Variants in ADGRG1 observed in about 807,000 individuals in gnomAD.
ADGRG1 encodes adhesion G protein-coupled receptor G1.
A neutral mutation model predicts 73.5 loss-of-function variants in ADGRG1; 53 were observed. The observed-to-expected ratio is 0.72, with a 90% CI of 0.58 to 0.91. ADGRG1 has a LOEUF of 0.91. Among genes scored for constraint, ADGRG1 ranks in the 40% least tolerant of loss-of-function variants. ADGRG1 has a pLI of 0.00. For missense variants in ADGRG1, 795 were observed against 871.8 expected, an observed-to-expected ratio of 0.91 and a Z score of 1.11; for synonymous variants, 394 against 374.4, an observed-to-expected ratio of 1.05 and a Z score of -0.60.
intron 10 of ADGRG1, chr16:57,659,077 G>C (rs1204406706): frequency 5.1e-6 from 5 of 985,284 alleles, no homozygotes; most frequent in Non-Finnish European, 6.0e-6. Flanking sequence ...GGATGGCATG[G>C]ATTCTCCAAC....
chr16:57,643,662 C>G (rs1243595439), intron 1 of ADGRG1: 1 of 984,884 alleles, frequency 1.0e-6, no homozygotes, highest in African/African-American at 1.7e-5. Context: ...AGGCAGGCAG[C>G]TTGCTTCATT....
chr16:57,625,843 A>AAG (rs1248099753), upstream of ADGRG1, among the ~76,000 whole-genome samples: 2 of 152,102 alleles, frequency 1.3e-5, no homozygotes, highest in African/African-American at 4.8e-5. Flanking sequence ...ACTTCCTTCC[A>AAG]AGCATGGCTC....
upstream of ADGRG1, chr16:57,628,422 C>A: frequency 1.5e-6 from 1 of 649,050 alleles, no homozygotes; most frequent in Non-Finnish European, 1.9e-6. Flanking sequence ...GGCTGAGGTG[C>A]CCCCTTGCCC....
At chr16:57,653,893 TGTCTCTGTCTGA>T in intron 4 of ADGRG1, 81 bp from the exon 5 acceptor site, 1 of 1,602,630 alleles carries the variant, frequency 6.2e-7, no homozygotes, top group Non-Finnish European at 8.5e-7. Flanking sequence ...CTCTTCCCTG[TGTCTCTGTCTGA>T]GTCTCTCGTC....
intron 1 of ADGRG1, 36 bp downstream of exon 1, chr16:57,628,838 G>A (rs2036457286): frequency 2.0e-6 from 2 of 986,072 alleles, no homozygotes; most frequent in African/African-American, 3.5e-5. Context: ...GGTGGGAAGG[G>A]GAATAGTGTG....
At chr16:57,625,073 G>T (rs745876546), upstream of ADGRG1, among the ~76,000 whole-genome samples, 1 of 152,042 alleles carries the variant, frequency 6.6e-6, no homozygotes, top group Non-Finnish European at 1.5e-5. Context: ...CAGAGAGGGT[G>T]CAGCAGCATT....
intron 1 of ADGRG1, chr16:57,643,919 G>A: frequency 2.0e-6 from 2 of 980,394 alleles, no homozygotes; most frequent in Non-Finnish European, 2.4e-6. Context: ...TGGGGGTGGG[G>A]CGTAGCCCTG....
rs1381009965 is a variant in ADGRG1, at chr16:57,659,484, G to A, written c.1358G>A (p.Ser453Asn). 2 of 1,613,918 alleles carry A rather than the reference G, an allele frequency of 1.2e-6. No homozygotes were observed. Among genetic ancestry groups the A allele is most frequent in the South Asian group, 1.1e-5 (1 of 91,090 alleles). The change falls in exon 11 of 14, where the codon AGC becomes AAC. Residue 453 changes from serine to asparagine, a missense_variant. By Grantham distance (46) the Ser-to-Asn change is conservative (BLOSUM62 1). Transcript: ENST00000562631. ...CTGGCCGTCTTCCTGCTGGACACGA[G>A]CTTCCTGCTCAGCGAGCCGGTGGCC... is the stretch of plus-strand genomic sequence containing the variant. ...LLLAVFLLDT[S>N]FLLSEPVALT...
upstream of ADGRG1, among the ~76,000 whole-genome samples, chr16:57,625,090 T>C (rs2035578506): frequency 6.6e-6 from 1 of 151,818 alleles, no homozygotes; most frequent in East Asian, 1.9e-4. Context: ...CATTGCCCCC[T>C]CTCCTCTGTC....
chr16:57,663,817 G>A lies in ADGRG1; in HGVS notation c.*235G>A, dbSNP rs1035617718. The A allele has an allele frequency of 6.6e-5, 39 of 590,684 alleles. No individual in the cohort carries two copies. In the South Asian group the frequency reaches 7.2e-4, roughly 11 times the overall value. 36.6% of individuals were successfully genotyped at this position (590,684 alleles called of 1,614,324 possible). On this transcript the variant is annotated 3_prime_UTR_variant, in exon 14 of 14. Transcript: ENST00000562631. ...CTCCCACGGGACTCAGAAGTGCGCC[G>A]CCATGCTGCCTAGGGTACTGTCCCC...
At chr16:57,624,032 A>T, upstream of ADGRG1, 2 of 263,874 alleles carry the variant, frequency 7.6e-6, no homozygotes, top group Non-Finnish European at 1.2e-5. Flanking sequence ...GCAAACTGCA[A>T]ATGGTGGAGT....
chr16:57,659,783 C>G, intron 11 of ADGRG1, 102 bp downstream of exon 11: 1 of 1,213,734 alleles, frequency 8.2e-7, no homozygotes, highest in South Asian at 1.3e-5. Context: ...CTCTGACTTC[C>G]CTCCTGGCCT....
intron 1 of ADGRG1, chr16:57,634,499 G>A (rs1489100828): frequency 1.0e-6 from 1 of 981,212 alleles, no homozygotes; most frequent in African/African-American, 1.7e-5. Flanking sequence ...ATTCAATCTT[G>A]AGTGCTGCTG....
chr16:57,630,095 T>A, intron 1 of ADGRG1: 2 of 812,212 alleles, frequency 2.5e-6, no homozygotes, highest in Non-Finnish European at 3.0e-6. Context: ...CACTCTGTGC[T>A]CTGTCGGGAA....
At chr16:57,638,435 A>G (rs1432074384) in intron 1 of ADGRG1, among the ~76,000 whole-genome samples, 2 of 151,974 alleles carry the variant, frequency 1.3e-5, no homozygotes, top group African/African-American at 4.8e-5. Context: ...CTCTGCCTCT[A>G]TTTTCCTCCT....
At chr16:57,659,756 T>C in intron 11 of ADGRG1, 75 bp downstream of exon 11, 1 of 1,505,026 alleles carries the variant, frequency 6.6e-7, no homozygotes, top group East Asian at 2.3e-5. Flanking sequence ...CACCTGGTTC[T>C]GCCTCTCCAC....
chr16:57,621,449 A>T (rs2034795894), intron 2 of ADGRG1: 1 of 151,508 alleles, frequency 6.6e-6, no homozygotes, highest in South Asian at 2.1e-4. Context: ...AGTCTCTTGT[A>T]GCCAACACTT....
intron 1 of ADGRG1, 39 bp from the exon 2 acceptor site, chr16:57,650,214 C>T: frequency 6.4e-7 from 1 of 1,563,420 alleles, no homozygotes; most frequent in South Asian, 1.1e-5. Context: ...AACCACCACA[C>T]AGTCCACACT....
intron 1 of ADGRG1, among the ~76,000 whole-genome samples, chr16:57,638,823 G>A (rs1048950112): frequency 2.0e-5 from 3 of 152,156 alleles, no homozygotes; most frequent in African/African-American, 7.2e-5. Context: ...TGTAATCCCA[G>A]CACTTTGGGA....
Sources: gnomAD v4.1 joint callset for allele counts (sites outside exome capture counted in the v4.1 genomes callset) on GRCh38, gnomAD v4.1.1 for gene constraint, MANE v1.5 for transcripts, NCBI Gene and HGNC (gene_info 2026-07-23, HGNC 2026-07-21) for gene names.